The following RPTOR variants were observed in gnomAD, a reference collection of about 807,000 sequenced individuals.
RPTOR encodes regulatory-associated protein of mTOR.
RPTOR carries 21 observed loss-of-function variants against 169.9 expected under a neutral mutation model. The ratio of observed to expected loss-of-function variants is 0.12; its 90% CI spans 0.09 to 0.18. RPTOR has a LOEUF of 0.18. Among genes scored for constraint, RPTOR ranks in the 10% least tolerant of loss-of-function variants. The probability of loss-of-function intolerance (pLI) is 1.00; values close to 1 mark genes in which losing one functional copy is unlikely to be tolerated. For synonymous variants in RPTOR, 732 were observed against 753.2 expected (o/e 0.97, Z 0.46); for missense variants, 1,133 against 1,855.9 (o/e 0.61, Z 7.16).
intron 33 of RPTOR, among the ~76,000 whole-genome samples, chr17:80,963,852 C>G (rs968347076): frequency 1.3e-5 from 2 of 152,138 alleles, no homozygotes; most frequent in Non-Finnish European, 2.9e-5. Context: ...CCTGTGCGGC[C>G]GGGCCCCACC....
intron 1 of RPTOR, among the ~76,000 whole-genome samples, chr17:80,573,654 AG>A (rs2064930915): frequency 1.3e-5 from 2 of 152,238 alleles, no homozygotes; most frequent in Non-Finnish European, 2.9e-5. Flanking sequence ...GAGCCCTGGC[AG>A]CCATGCACAC....
chr17:80,700,536 TGATGATGATGGTGGTGGTGATGGTAGA>T (rs2066080281), intron 3 of RPTOR, among the ~76,000 whole-genome samples: 4 of 93,344 alleles, frequency 4.3e-5, no homozygotes, highest in African/African-American at 1.1e-4. Flanking sequence ...GTGGTGGTGG[TGATGATGATGGTGGTGGTGATGGTAGA>T]GATGATGGTG....
intron 10 of RPTOR, 37 bp from the exon 11 acceptor site, chr17:80,846,436 A>G: frequency 6.3e-7 from 1 of 1,598,956 alleles, no homozygotes; most frequent in South Asian, 1.1e-5. Flanking sequence ...ATCTGGGAAC[A>G]TGGCCCTAAC....
intron 6 of RPTOR, among the ~76,000 whole-genome samples, chr17:80,771,488 A>G (rs1029241753): frequency 6.6e-6 from 1 of 152,122 alleles, no homozygotes; most frequent in African/African-American, 2.4e-5. Flanking sequence ...TCAGGACGGA[A>G]GGGGGTACCT....
intron 28 of RPTOR, among the ~76,000 whole-genome samples, chr17:80,950,251 C>T (rs1189663765): frequency 3.3e-5 from 5 of 152,230 alleles, no homozygotes; most frequent in Non-Finnish European, 7.3e-5. Context: ...AGAGTGAACG[C>T]GTTACCCCGC....
At chr17:80,916,500 T>C (rs1204847837) in intron 21 of RPTOR, among the ~76,000 whole-genome samples, 1 of 152,214 alleles carries the variant, frequency 6.6e-6, no homozygotes, top group Non-Finnish European at 1.5e-5. Flanking sequence ...CTGGCTTGCC[T>C]TTGGCAGGTG....
intron 17 of RPTOR, among the ~76,000 whole-genome samples, chr17:80,886,152 C>T (rs1015045883): frequency 1.4e-4 from 22 of 152,358 alleles, no homozygotes; most frequent in African/African-American, 5.0e-4. Context: ...TGGGCTTTAT[C>T]ATGAGACGGG....
rs1166711662 is a variant in RPTOR at position 80,583,182 on chromosome 17, GTTTTTTTTT to G, written c.162+37407_162+37415del. On this transcript the variant is annotated intron_variant, in intron 1 of 33. Transcript: ENST00000306801. ...GGTCCCTGTCCACTGCCTCTTTCCT[GTTTTTTTTT>G]TTTTTTTTTTTTTTTGAGACAGAGT... Among the ~76,000 whole-genome samples, 18 of 79,270 alleles carry G rather than the reference GTTTTTTTTT, an allele frequency of 2.3e-4. 1 individual carries two copies. The highest frequency in any genetic ancestry group is 4.1e-4 in the South Asian group (1 of 2,412). 52.0% of individuals were successfully genotyped at this position (79,270 alleles called of 152,430 possible). A position where few individuals can be genotyped will look rare whatever the true frequency, so the allele number is the denominator to read the frequency against.
intron 3 of RPTOR, among the ~76,000 whole-genome samples, chr17:80,693,250 C>T (rs2066007819): frequency 6.6e-6 from 1 of 152,190 alleles, no homozygotes; most frequent in South Asian, 2.1e-4. Flanking sequence ...AGGCCATTGC[C>T]ATCAGATGCC....
chr17:80,689,420 C>A (rs982148676), intron 3 of RPTOR, among the ~76,000 whole-genome samples: 1 of 152,218 alleles, frequency 6.6e-6, no homozygotes, highest in Non-Finnish European at 1.5e-5. Flanking sequence ...TCGCTGGAGC[C>A]CTCTGCTGAG....
intron 3 of RPTOR, among the ~76,000 whole-genome samples, chr17:80,692,873 C>G (rs1398201546): frequency 1.3e-5 from 2 of 152,364 alleles, no homozygotes; most frequent in South Asian, 2.1e-4. Flanking sequence ...GGCTGCTCTT[C>G]CTGTCCTGGT....
chr17:80,941,068 GA>G (rs1298447095), intron 25 of RPTOR: 1 of 157,442 alleles, frequency 6.4e-6, no homozygotes, highest in African/African-American at 2.4e-5. Flanking sequence ...CTGGAAACAG[GA>G]AGTGAAAATG....
At chr17:80,893,181 G>A (rs370018399) in intron 19 of RPTOR, among the ~76,000 whole-genome samples, 3 of 152,384 alleles carry the variant, frequency 2.0e-5, no homozygotes, top group African/African-American at 7.2e-5. Flanking sequence ...GTGGTCTGCG[G>A]GTGGGGAGCT....
chr17:80,581,489 CCG>C (rs2065012836), intron 1 of RPTOR, among the ~76,000 whole-genome samples: 1 of 149,694 alleles, frequency 6.7e-6, no homozygotes, highest in Non-Finnish European at 1.5e-5. Context: ...GCAGTGGAGA[CCG>C]CACATCAGGC....
Position 80,923,561 on chromosome 17 carries a change from G to T in RPTOR, c.2696G>T (p.Arg899Leu). The change falls in exon 23 of 34, where the codon CGA becomes CTA. Residue 899 changes from arginine to leucine, a missense_variant. Arg to Leu is a moderately radical substitution (Grantham distance 102, BLOSUM62 -2). Coordinates refer to ENST00000306801, the MANE Select transcript of RPTOR (RefSeq NM_020761.3). Reference protein sequence around the residue: ...TNDVAKQPVSRDLPSGRPGTT... With the variant: ...TNDVAKQPVSLDLPSGRPGTT... ...GATGTGGCCAAGCAGCCGGTCAGCC[G>T]AGACTTGCCTTCTGGCCGGCCGGGC... 6.2e-7 allele frequency: 1 copy of T among 1,613,574 alleles called. No individual in the cohort carries two copies. Among genetic ancestry groups the T allele is most frequent in the Non-Finnish European group, 8.5e-7 (1 of 1,180,016 alleles).
intron 1 of RPTOR, among the ~76,000 whole-genome samples, chr17:80,557,210 A>C (rs923917121): frequency 1.3e-5 from 2 of 152,218 alleles, no homozygotes. Flanking sequence ...TGTGGATTAC[A>C]CATAGGAGGT....
chr17:80,920,401 C>T (rs1038985566), intron 21 of RPTOR, among the ~76,000 whole-genome samples: 13 of 152,352 alleles, frequency 8.5e-5, no homozygotes, highest in African/African-American at 2.9e-4. Flanking sequence ...GTCTGTCTCA[C>T]GAGATTTCCA....
At position 80,922,826 on chromosome 17, in the gene RPTOR, G is replaced by T; in HGVS notation, c.2623G>T (p.Gly875Trp). The T allele has an allele frequency of 6.4e-7, 1 of 1,561,928 alleles. No individual in the cohort carries two copies. Reference protein sequence around the residue: ...TNKGVHIHQAGGSPPASSTSS... With the variant: ...TNKGVHIHQAWGSPPASSTSS... ...CAAGGGCGTGCACATCCACCAGGCG[G>T]GGTAAGTGCCGCCCGCTCAGCCTGC... The change falls in exon 22 of 34, where the codon GGG (glycine) becomes TGG (tryptophan). Residue 875 changes from glycine to tryptophan, a missense_variant and splice_region_variant. Transcript: ENST00000306801.
Position 80,957,396 on chromosome 17 carries a change from G to A in RPTOR, c.3371-228G>A, listed in dbSNP as rs572689565. Among the ~76,000 whole-genome samples, 3 of 151,320 alleles carry A rather than the reference G, an allele frequency of 2.0e-5. No homozygotes were observed. Among genetic ancestry groups the A allele is most frequent in the Non-Finnish European group, 2.9e-5 (2 of 67,806 alleles). On this transcript the variant is annotated intron_variant, in intron 28 of 33. Transcript: ENST00000306801. This position sits in a 1 kb window ranked among gnomAD's most constrained non-coding sequence, Gnocchi z 4.6. ...AGTTCCAGCTCAGAATTGTCATCCCGGCCCGGACTTGGGAGTTCCAGCTCA... is the reference window on the plus strand; with the variant it reads ...AGTTCCAGCTCAGAATTGTCATCCCAGCCCGGACTTGGGAGTTCCAGCTCA...
Sources: gnomAD v4.1 joint callset for allele counts (sites outside exome capture counted in the v4.1 genomes callset) on GRCh38, gnomAD v4.1.1 for gene constraint, Gnocchi (gnomAD v3.1) non-coding constraint, MANE v1.5 for transcripts, NCBI Gene and HGNC (gene_info 2026-07-23, HGNC 2026-07-21) for gene names.